AFF2: variants seen among roughly 807,000 people sequenced by gnomAD.
AFF2 encodes ALF transcription elongation factor 2, also known as AF4/FMR2 family member 2.
A neutral mutation model predicts 76.9 loss-of-function variants in AFF2; 14 were observed. That is an observed-to-expected ratio of 0.18 (90% CI 0.12 to 0.28). The LOEUF (loss-of-function observed/expected upper bound fraction) is 0.28. Ranked by LOEUF, AFF2 falls within the 10% of genes least tolerant of loss-of-function variation. The pLI is 1.00. For missense variants in AFF2, 868 were observed against 1,001.1 expected, an observed-to-expected ratio of 0.87 and a Z score of 1.79; for synonymous variants, 398 against 366.7, an observed-to-expected ratio of 1.09 and a Z score of -0.98.
At chrX:148,707,858 G>A (rs1426639672) in intron 3 of AFF2, among the ~76,000 whole-genome samples, 3 of 111,743 alleles carry the variant, frequency 2.7e-5, no homozygotes, top group African/African-American at 6.5e-5. Context: ...ATTTTGCAAT[G>A]CCTCTCATTT....
intron 1 of AFF2, among the ~76,000 whole-genome samples, chrX:148,542,262 A>T (rs1361447668): frequency 9.2e-6 from 1 of 108,443 alleles, no homozygotes; most frequent in East Asian, 2.9e-4. Context: ...CTACTTGGCA[A>T]AGCAGAGTGT....
At chrX:148,613,533 C>G (rs1557249792) in intron 1 of AFF2, among the ~76,000 whole-genome samples, 4 of 111,483 alleles carry the variant, frequency 3.6e-5, no homozygotes, top group Non-Finnish European at 7.6e-5. Context: ...TACTCCATTG[C>G]CATCTGCCTA....
intron 1 of AFF2, among the ~76,000 whole-genome samples, chrX:148,651,039 A>G (rs1438933116): frequency 8.9e-6 from 1 of 112,315 alleles, no homozygotes; most frequent in Non-Finnish European, 1.9e-5. Flanking sequence ...GTTAACATCA[A>G]AAGCATGAAA....
chrX:148,750,721 T>A (rs2055487504), intron 3 of AFF2, among the ~76,000 whole-genome samples: 1 of 112,064 alleles, frequency 8.9e-6, no homozygotes. Context: ...TTAAATGAAG[T>A]GTAATATTTA....
chrX:148,845,599 T>C (rs61100056), intron 7 of AFF2, among the ~76,000 whole-genome samples: 1,494 of 112,576 alleles, frequency 0.013, 18 homozygotes, highest in African/African-American at 0.046. Context: ...ATCAGAATTG[T>C]AATAAAGTTA....
chrX:148,637,893 G>T (rs943999072), intron 1 of AFF2, among the ~76,000 whole-genome samples: 7 of 110,205 alleles, frequency 6.4e-5, no homozygotes, highest in South Asian at 3.9e-4. Flanking sequence ...GATAACTGGG[G>T]TTTTTTTTCT....
intron 1 of AFF2, among the ~76,000 whole-genome samples, chrX:148,646,423 G>A (rs1325090629): frequency 9.0e-6 from 1 of 111,427 alleles, no homozygotes; most frequent in Non-Finnish European, 1.9e-5. Context: ...AATTGGAGGA[G>A]GCTTAGACAG....
At chrX:148,591,373 C>T (rs2053520673) in intron 1 of AFF2, among the ~76,000 whole-genome samples, 1 of 111,837 alleles carries the variant, frequency 8.9e-6, no homozygotes, top group Admixed American at 9.5e-5. Flanking sequence ...GACCTAGGTT[C>T]CAGGCCCAGC....
At chrX:148,579,814 T>A (rs1352679714) in intron 1 of AFF2, among the ~76,000 whole-genome samples, 3 of 111,348 alleles carry the variant, frequency 2.7e-5, no homozygotes, top group African/African-American at 9.8e-5. Context: ...GATGGCCAAA[T>A]AGACATGATA....
intron 7 of AFF2, among the ~76,000 whole-genome samples, chrX:148,871,762 T>A (rs971659149): frequency 1.8e-5 from 2 of 111,435 alleles, no homozygotes; most frequent in African/African-American, 3.3e-5. Flanking sequence ...GGATCTTGGC[T>A]TGGTCTCCAC....
intron 9 of AFF2, among the ~76,000 whole-genome samples, chrX:148,914,036 G>C (rs1056729083): frequency 6.3e-5 from 7 of 111,842 alleles, no homozygotes; most frequent in Non-Finnish European, 1.3e-4. Flanking sequence ...CCACACACTG[G>C]TAGGGAAAGA....
At chrX:148,908,055 G>A (rs182930627) in intron 9 of AFF2, among the ~76,000 whole-genome samples, 1,425 of 111,662 alleles carry the variant, frequency 0.013, 25 homozygotes, top group African/African-American at 0.044. Flanking sequence ...TGTTCCGCCC[G>A]GCTCACCAGC....
At chrX:148,887,138 G>T (rs782777706) in intron 8 of AFF2, among the ~76,000 whole-genome samples, 1 of 112,827 alleles carries the variant, frequency 8.9e-6, no homozygotes, top group East Asian at 2.8e-4. Flanking sequence ...ATCTTTGCAA[G>T]TTTAGTGCTT....
chrX:148,739,441 C>T (rs1041157160), intron 3 of AFF2, among the ~76,000 whole-genome samples: 6 of 111,461 alleles, frequency 5.4e-5, no homozygotes, highest in Non-Finnish European at 1.1e-4. Flanking sequence ...TAGCTACCCC[C>T]TGCTTTACCC....
rs568554603 is a variant in AFF2 at position 148,691,031 on chromosome X, T to C, written c.1041+28263T>C. Among the ~76,000 whole-genome samples the C allele has an allele frequency of 2.7e-5, 3 of 111,710 alleles. No individual in the cohort carries two copies. The South Asian group carries it at 1.1e-3, about 42-fold the overall frequency. On this transcript the variant is annotated intron_variant, in intron 3 of 20. Transcript: ENST00000370460. ...TCCCTCATTTAATTTTAATTACCTATTTAAAGACCCTATCTCCAAACATAG... is the reference window on the plus strand; with the variant it reads ...TCCCTCATTTAATTTTAATTACCTACTTAAAGACCCTATCTCCAAACATAG...
chrX:148,583,486 A>C (rs1442163502), intron 1 of AFF2, among the ~76,000 whole-genome samples: 1 of 111,753 alleles, frequency 8.9e-6, no homozygotes. Flanking sequence ...CACTCACCAT[A>C]ATAGTATCAT....
chrX:148,934,955 A>G (rs897627364), intron 9 of AFF2, among the ~76,000 whole-genome samples: 1 of 111,600 alleles, frequency 9.0e-6, no homozygotes, highest in African/African-American at 3.3e-5. Context: ...TAGCTCTTCA[A>G]TGGGTTTGTC....
At chrX:148,693,003 C>T (rs1050660099) in intron 3 of AFF2, among the ~76,000 whole-genome samples, 2 of 111,279 alleles carry the variant, frequency 1.8e-5, no homozygotes, top group Admixed American at 9.5e-5. Context: ...ACTACAAGCT[C>T]CACCTCCTGG....
At chrX:148,558,679 C>T (rs1392314731) in intron 1 of AFF2, among the ~76,000 whole-genome samples, 1 of 111,819 alleles carries the variant, frequency 8.9e-6, no homozygotes, top group Non-Finnish European at 1.9e-5. Flanking sequence ...AAATTATAGC[C>T]TGGAATTCTT....
Sources: gnomAD v4.1 joint callset for allele counts (sites outside exome capture counted in the v4.1 genomes callset) on GRCh38, gnomAD v4.1.1 for gene constraint, MANE v1.5 for transcripts, NCBI Gene and HGNC (gene_info 2026-07-23, HGNC 2026-07-21) for gene names.